Variants in PRELID2 observed in about 807,000 individuals in gnomAD.
PRELID2 encodes the protein PRELI domain containing 2, also known as PRELI domain-containing protein 2.
PRELID2 carries 25 observed loss-of-function variants against 28.4 expected under a neutral mutation model. The ratio of observed to expected loss-of-function variants is 0.88; its 90% CI spans 0.64 to 1.23. The LOEUF (loss-of-function observed/expected upper bound fraction) is 1.23. Among genes scored for constraint, PRELID2 ranks in the 50% most tolerant of loss-of-function variants. The pLI is 0.00. For synonymous variants in PRELID2, 76 were observed against 71.6 expected (o/e 1.06, Z -0.31); for missense variants, 201 against 214.4 (o/e 0.94, Z 0.39).
At chr5:145,417,997 T>C in the PRELID2 span, among the ~76,000 whole-genome samples, 1 of 152,196 alleles carries the variant, frequency 6.6e-6, no homozygotes, top group African/African-American at 2.4e-5. Flanking sequence ...GAAAACTCCA[T>C]CATCTCAGCC....
Position 145,817,443 on chromosome 5 carries a change from ATAT to A in PRELID2, c.368+448_368+450del, listed in dbSNP as rs200856391. On this transcript the variant is annotated intron_variant, in intron 4 of 6. Coordinates refer to ENST00000683046, the MANE Select transcript of PRELID2 (RefSeq NM_205846.3). Reference sequence around the variant, plus strand: ...GTTTTATATATATATATATATATATATATATCACATGGTTTAAGCTCAGAAACA... The same window carrying A: ...GTTTTATATATATATATATATATATAATCACATGGTTTAAGCTCAGAAACA... 5.1e-4 allele frequency among the ~76,000 whole-genome samples: 71 copies of A among 140,420 alleles called. 1 individual carries two copies. Among genetic ancestry groups the A allele is most frequent in the East Asian group, 1.8e-3 (9 of 4,948 alleles). The allele number at this position is 140,420 out of a possible 152,430, so 92.1% of individuals were successfully genotyped here.
rs998967246 is a variant in PRELID2, at chr5:145,488,049, G to A, written n.71-14734C>T. On this transcript the variant is annotated intron_variant and non_coding_transcript_variant, in intron 1 of 2. Transcript: ENST00000510259. The stretch of plus-strand genomic sequence containing the variant: ...TGAGGCAGGAGAATCGCTTGAACCC[G>A]GGAGGGAGAGGTTGCAGTGAGCCGA... Among the ~76,000 whole-genome samples the A allele has an allele frequency of 1.0e-4, 15 of 148,942 alleles. 1 individual carries two copies. The South Asian group carries it at 1.9e-3, about 19-fold the overall frequency.
chr5:145,452,360 G>A, the PRELID2 span, among the ~76,000 whole-genome samples: 1 of 151,844 alleles, frequency 6.6e-6, no homozygotes, highest in Non-Finnish European at 1.5e-5. Context: ...TTTATTTATT[G>A]CAACTTACAT....
intron 1 of PRELID2, 122 bp from the exon 2 acceptor site, chr5:145,823,256 C>T: frequency 1.8e-6 from 1 of 566,494 alleles, no homozygotes; most frequent in South Asian, 2.8e-5. Flanking sequence ...AAACAAAGCC[C>T]AGTTTTGAAT....
At chr5:145,686,154 T>G (rs1221119810) in intron 1 of PRELID2, among the ~76,000 whole-genome samples, 3 of 152,116 alleles carry the variant, frequency 2.0e-5, no homozygotes, top group Non-Finnish European at 4.4e-5. Context: ...CCCTCCTAAG[T>G]CTGTTACATG....
intron 1 of PRELID2, among the ~76,000 whole-genome samples, chr5:145,740,601 AT>A: frequency 1.8e-4 from 1 of 5,634 alleles, no homozygotes; most frequent in Admixed American, 2.6e-3. Context: ...AAATATATAT[AT>A]ATTATATATA....
Position 145,791,164 on chromosome 5 carries a change from G to A in PRELID2, c.474+5278C>T, listed in dbSNP as rs1017005474. On this transcript the variant is annotated intron_variant, in intron 5 of 6. Transcript: ENST00000683046. ...AGAAGGCGAATGAGGAGCAAGTCACGTCTTACATGGTGGCAGGCAAGAAAG... is the reference window on the plus strand; with the variant it reads ...AGAAGGCGAATGAGGAGCAAGTCACATCTTACATGGTGGCAGGCAAGAAAG... Among the ~76,000 whole-genome samples the A allele has an allele frequency of 2.0e-5, 3 of 152,146 alleles. No individual in the cohort carries two copies. In the South Asian group the frequency reaches 6.2e-4, roughly 32 times the overall value.
At chr5:145,725,985 C>T (rs1756134479) in intron 1 of PRELID2, among the ~76,000 whole-genome samples, 1 of 151,916 alleles carries the variant, frequency 6.6e-6, no homozygotes, top group South Asian at 2.1e-4. Context: ...GAGTTTGAGA[C>T]CAGCTAGGGC....
chr5:145,555,658 T>C (rs1752874352), intron 1 of PRELID2, among the ~76,000 whole-genome samples: 1 of 152,158 alleles, frequency 6.6e-6, no homozygotes, highest in Non-Finnish European at 1.5e-5. Flanking sequence ...TGGTTGGTGA[T>C]GAATGCTGAA....
chr5:145,278,364 T>C, the PRELID2 span, among the ~76,000 whole-genome samples: 2 of 152,178 alleles, frequency 1.3e-5, no homozygotes, highest in South Asian at 4.1e-4. Context: ...GCAATCAAGA[T>C]GTTAGCCAGG....
the PRELID2 span, among the ~76,000 whole-genome samples, chr5:145,318,715 C>T: frequency 3.5e-4 from 53 of 152,280 alleles, no homozygotes; most frequent in African/African-American, 1.2e-3. Context: ...GGGGTAGGTG[C>T]CTGTGACTCC....
At chr5:145,753,806 T>C (rs746124530), downstream of PRELID2, among the ~76,000 whole-genome samples, 7 of 152,202 alleles carry the variant, frequency 4.6e-5, no homozygotes, top group Non-Finnish European at 8.8e-5. Flanking sequence ...AGGTATAAAA[T>C]ACTGCATTTA....
intron 1 of PRELID2, among the ~76,000 whole-genome samples, chr5:145,669,498 C>T (rs529561718): frequency 4.6e-5 from 7 of 152,250 alleles, no homozygotes; most frequent in South Asian, 4.1e-4. Flanking sequence ...GACATAGATC[C>T]GACTGTGTTA....
In PRELID2 at chr5:145,819,091, T is replaced by C. The variant is rs1371251148; in HGVS notation, c.207+854A>G. Among the ~76,000 whole-genome samples, 3 of 152,200 alleles carry C rather than the reference T, an allele frequency of 2.0e-5. 1 individual carries two copies. Among genetic ancestry groups the C allele is most frequent in the Non-Finnish European group, 4.4e-5 (3 of 68,038 alleles). On this transcript the variant is annotated intron_variant, in intron 3 of 6. Transcript: ENST00000683046. ...TGTAACATGTATCTGGGCTCCTCCT[T>C]CACCTTCCACCATGATTATGAGGCC...
chr5:145,684,847 C>T (rs1369427387), intron 1 of PRELID2, among the ~76,000 whole-genome samples: 1 of 152,174 alleles, frequency 6.6e-6, no homozygotes, highest in African/African-American at 2.4e-5. Flanking sequence ...AAGGCAATAA[C>T]AGTCATCATG....
the PRELID2 span, among the ~76,000 whole-genome samples, chr5:145,332,117 G>T: frequency 1.3e-5 from 2 of 152,190 alleles, no homozygotes; most frequent in South Asian, 4.1e-4. Context: ...GGCTTGTAGG[G>T]TTTCTGCAGG....
the PRELID2 span, among the ~76,000 whole-genome samples, chr5:145,424,916 A>T: frequency 6.6e-6 from 1 of 152,242 alleles, no homozygotes; most frequent in South Asian, 2.1e-4. Flanking sequence ...CAAAATTGAC[A>T]AATGGGACCT....
At chr5:145,319,593 C>G in the PRELID2 span, among the ~76,000 whole-genome samples, 1 of 151,988 alleles carries the variant, frequency 6.6e-6, no homozygotes, top group African/African-American at 2.4e-5. Flanking sequence ...ATCCCTTGAA[C>G]CCGTGAGGCA....
intron 1 of PRELID2, among the ~76,000 whole-genome samples, chr5:145,607,876 T>C (rs934473910): frequency 1.3e-5 from 2 of 152,238 alleles, no homozygotes; most frequent in African/African-American, 4.8e-5. Context: ...TATGCCTATT[T>C]AAGTCTCTTC....
Sources: allele counts gnomAD v4.1 joint callset (sites outside exome capture counted in the v4.1 genomes callset), GRCh38; gene constraint gnomAD v4.1.1; transcripts MANE v1.5; gene names NCBI Gene and HGNC (gene_info 2026-07-23, HGNC 2026-07-21).